PLCB1: variants seen among roughly 807,000 people sequenced by gnomAD.
PLCB1 encodes the protein phospholipase C beta 1, also known as 1-phosphatidylinositol 4,5-bisphosphate phosphodiesterase beta-1.
Under a neutral mutation model 161.8 loss-of-function variants are expected in PLCB1, and 46 were observed. The ratio of observed to expected loss-of-function variants is 0.28; its 90% confidence interval spans 0.22 to 0.36. PLCB1 has a LOEUF of 0.36. PLCB1 is among the 10% of genes least tolerant of loss of function. The pLI is 1.00. For missense variants in PLCB1, 1,016 were observed against 1,472.5 expected (o/e 0.69, Z 5.07); for synonymous variants, 517 against 503.7 (o/e 1.03, Z -0.35).
At chr20:8,631,538 T>C (rs542078762) in intron 4 of PLCB1, among the ~76,000 whole-genome samples, 5 of 152,268 alleles carry the variant, frequency 3.3e-5, no homozygotes, top group Admixed American at 3.3e-4. Context: ...GGGAAGCACG[T>C]AACATTATCT....
intron 3 of PLCB1, among the ~76,000 whole-genome samples, chr20:8,413,702 A>C (rs73090254): frequency 2.0e-5 from 3 of 152,184 alleles, no homozygotes; most frequent in African/African-American, 7.2e-5. Flanking sequence ...TAAATTCTAG[A>C]TCTTTCTTTA....
At chr20:8,633,397 G>C (rs1365142761) in intron 4 of PLCB1, among the ~76,000 whole-genome samples, 1 of 152,154 alleles carries the variant, frequency 6.6e-6, no homozygotes, top group Non-Finnish European at 1.5e-5. Flanking sequence ...ATTTTGAGTA[G>C]GTAGTTGGAT....
At chr20:8,710,356 C>G (rs1978931389) in intron 12 of PLCB1, among the ~76,000 whole-genome samples, 1 of 152,124 alleles carries the variant, frequency 6.6e-6, no homozygotes, top group Admixed American at 6.6e-5. Context: ...AAATCTCCCC[C>G]ATGATCCAAT....
intron 2 of PLCB1, among the ~76,000 whole-genome samples, chr20:8,242,173 T>G (rs1021901629): frequency 2.0e-5 from 3 of 151,922 alleles, no homozygotes; most frequent in Admixed American, 2.0e-4. Context: ...GTTGTTGTTT[T>G]TATTTTTTTT....
At chr20:8,624,809 A>G (rs185145820) in intron 3 of PLCB1, among the ~76,000 whole-genome samples, 4 of 152,330 alleles carry the variant, frequency 2.6e-5, no homozygotes, top group Non-Finnish European at 5.9e-5. Flanking sequence ...TTTATTTGGT[A>G]GCACTTATGG....
At chr20:8,638,088 G>C (rs1988821620) in intron 4 of PLCB1, among the ~76,000 whole-genome samples, 1 of 152,090 alleles carries the variant, frequency 6.6e-6, no homozygotes, top group South Asian at 2.1e-4. Context: ...TAGAGACGGG[G>C]TTTCACCATG....
At chr20:8,591,677 C>A (rs576276884) in intron 3 of PLCB1, among the ~76,000 whole-genome samples, 101 of 152,122 alleles carry the variant, frequency 6.6e-4, no homozygotes, top group African/African-American at 2.3e-3. Flanking sequence ...ACTGTAGGGG[C>A]CACGTGGGAA....
chr20:8,269,680 G>A (rs753326249), intron 2 of PLCB1, among the ~76,000 whole-genome samples: 2 of 151,898 alleles, frequency 1.3e-5, no homozygotes, highest in Non-Finnish European at 2.9e-5. Flanking sequence ...CGTAAGTTTT[G>A]TATCTCTATC....
chr20:8,618,561 A>G (rs1242555555), intron 3 of PLCB1, among the ~76,000 whole-genome samples: 1 of 152,198 alleles, frequency 6.6e-6, no homozygotes, highest in Non-Finnish European at 1.5e-5. Flanking sequence ...TTTTACAATC[A>G]TATAACATAA....
chr20:8,815,259 T>C (rs1985032983), intron 31 of PLCB1, among the ~76,000 whole-genome samples: 1 of 152,228 alleles, frequency 6.6e-6, no homozygotes, highest in Admixed American at 6.5e-5. Context: ...GGCTTTGCTT[T>C]AATTACCTCC....
intron 27 of PLCB1, 42 bp from the exon 28 acceptor site, chr20:8,788,407 T>C: frequency 6.3e-7 from 1 of 1,580,962 alleles, no homozygotes; most frequent in Non-Finnish European, 8.7e-7. Context: ...AAGCTCTGTT[T>C]GCAATCATTT....
chr20:8,849,548 C>T (rs1036410235), intron 31 of PLCB1, among the ~76,000 whole-genome samples: 1 of 151,850 alleles, frequency 6.6e-6, no homozygotes, highest in South Asian at 2.1e-4. Flanking sequence ...TGATGGTGTG[C>T]GCCTGTAGTC....
chr20:8,399,027 AC>A (rs1978424408), intron 3 of PLCB1, among the ~76,000 whole-genome samples: 1 of 149,988 alleles, frequency 6.7e-6, no homozygotes, highest in Non-Finnish European at 1.5e-5. Context: ...CATTTGAGTC[AC>A]AGTTAGTAAG....
intron 3 of PLCB1, among the ~76,000 whole-genome samples, chr20:8,405,223 G>T (rs1427005156): frequency 6.6e-6 from 1 of 152,076 alleles, no homozygotes; most frequent in Non-Finnish European, 1.5e-5. Context: ...TTGGGCTGGG[G>T]TCTCTCACAT....
At chr20:8,625,821 T>C (rs958027320) in intron 3 of PLCB1, among the ~76,000 whole-genome samples, 2 of 152,172 alleles carry the variant, frequency 1.3e-5, no homozygotes, top group Non-Finnish European at 2.9e-5. Flanking sequence ...TTTACCAGCC[T>C]GTTTCATCCA....
At chr20:8,881,057 A>C (rs995005921) in intron 31 of PLCB1, 2 of 162,782 alleles carry the variant, frequency 1.2e-5, no homozygotes, top group African/African-American at 4.8e-5. Flanking sequence ...GTAGGGATGG[A>C]GTTTCACCAT....
chr20:8,853,289 T>G (rs190439188), intron 31 of PLCB1, among the ~76,000 whole-genome samples: 5 of 152,192 alleles, frequency 3.3e-5, no homozygotes, highest in Non-Finnish European at 5.9e-5. Context: ...CTTGACAAAT[T>G]TTTACAGAAT....
intron 9 of PLCB1, among the ~76,000 whole-genome samples, chr20:8,684,332 A>C (rs919346968): frequency 1.5e-4 from 22 of 149,344 alleles, no homozygotes; most frequent in African/African-American, 2.0e-4. Flanking sequence ...TCTCGGCTCA[A>C]TGCAACCTCC....
chr20:8,843,959 C>T (rs1986599745), intron 31 of PLCB1, among the ~76,000 whole-genome samples: 1 of 152,166 alleles, frequency 6.6e-6, no homozygotes, highest in African/African-American at 2.4e-5. Flanking sequence ...TTTATTCATT[C>T]CCATCTACCA....
Sources: allele counts gnomAD v4.1 joint callset (sites outside exome capture counted in the v4.1 genomes callset), GRCh38; gene constraint gnomAD v4.1.1; transcripts MANE v1.5; gene names NCBI Gene and HGNC (gene_info 2026-07-23, HGNC 2026-07-21).